GLIS3: variants seen among roughly 807,000 people sequenced by gnomAD.
The protein encoded by GLIS3 is zinc finger protein GLIS3.
GLIS3 carries 53 observed loss-of-function variants against 78.6 expected under a neutral mutation model. That is an observed-to-expected ratio of 0.67 (90% CI 0.54 to 0.85). GLIS3 has a LOEUF of 0.85. Ranked by LOEUF, GLIS3 falls within the 40% of genes least tolerant of loss-of-function variation. The pLI, the probability that GLIS3 is intolerant of heterozygous loss-of-function variation, is 0.00. For missense variants in GLIS3, 1,703 were observed against 1,231.1 expected (o/e 1.38, Z -5.74); for synonymous variants, 684 against 509.9 (o/e 1.34, Z -4.60).
At chr9:3,941,075 A>G (rs1254894854) in intron 4 of GLIS3, among the ~76,000 whole-genome samples, 3 of 152,204 alleles carry the variant, frequency 2.0e-5, no homozygotes, top group African/African-American at 7.2e-5. Flanking sequence ...CAAGCCCCCC[A>G]TAAGATTCTG....
At position 4,205,391 on chromosome 9, in the gene GLIS3, C is replaced by T. The variant is rs547318659; in HGVS notation, c.389-79450G>A. On this transcript the variant is annotated intron_variant, in intron 2 of 10. Transcript: ENST00000381971. Reference sequence around the variant, plus strand: ...ATTCCAAAGCTCCTGGCCAGAGTTACGAATTGGTTCAGGGATAGGCAGGAC... The same window carrying T: ...ATTCCAAAGCTCCTGGCCAGAGTTATGAATTGGTTCAGGGATAGGCAGGAC... Among the ~76,000 whole-genome samples, 6 of 152,158 alleles carry T rather than the reference C, an allele frequency of 3.9e-5. No individual in the cohort carries two copies. In the East Asian group the frequency reaches 5.8e-4, roughly 15 times the overall value.
At chr9:4,353,090 G>A (rs180682511), upstream of GLIS3, among the ~76,000 whole-genome samples, 354 of 152,226 alleles carry the variant, frequency 2.3e-3, 2 homozygotes, top group Middle Eastern at 0.014. Context: ...AGACTCAGCC[G>A]TGTCTTTGGA....
At chr9:4,467,991 G>C in the GLIS3 span, among the ~76,000 whole-genome samples, 1 of 152,126 alleles carries the variant, frequency 6.6e-6, no homozygotes, top group Non-Finnish European at 1.5e-5. Flanking sequence ...ACGTGACACA[G>C]GCACAAGGTT....
intron 4 of GLIS3, among the ~76,000 whole-genome samples, chr9:4,112,836 CT>C (rs1258051591): frequency 6.6e-6 from 1 of 152,102 alleles, no homozygotes; most frequent in African/African-American, 2.4e-5. Context: ...CCTATGACAC[CT>C]ATATTACCAC....
At chr9:4,431,774 G>A in the GLIS3 span, among the ~76,000 whole-genome samples, 2 of 151,552 alleles carry the variant, frequency 1.3e-5, no homozygotes, top group African/African-American at 2.4e-5. Flanking sequence ...AACCTGGGAG[G>A]TGGAGGTTGT....
chr9:4,048,555 T>A (rs1031666506), intron 4 of GLIS3, among the ~76,000 whole-genome samples: 13 of 152,198 alleles, frequency 8.5e-5, no homozygotes, highest in Admixed American at 2.0e-4. Flanking sequence ...ACTGTGTGCT[T>A]ATTTTTAAAT....
intron 2 of GLIS3, among the ~76,000 whole-genome samples, chr9:4,169,538 G>A (rs1407356614): frequency 6.6e-6 from 1 of 152,096 alleles, no homozygotes; most frequent in Non-Finnish European, 1.5e-5. Context: ...AAAGCACACC[G>A]GGAAAATTGG....
the GLIS3 span, among the ~76,000 whole-genome samples, chr9:4,363,193 T>G: frequency 6.6e-6 from 1 of 152,006 alleles, no homozygotes; most frequent in Non-Finnish European, 1.5e-5. Context: ...GAGGCCCAGG[T>G]GGGTGGGTCA....
At chr9:3,950,997 G>A (rs571545395) in intron 4 of GLIS3, among the ~76,000 whole-genome samples, 1 of 152,162 alleles carries the variant, frequency 6.6e-6, no homozygotes, top group African/African-American at 2.4e-5. Context: ...CAAACTTACA[G>A]AACAGACCCT....
chr9:4,170,908 A>T (rs922667803), intron 2 of GLIS3, among the ~76,000 whole-genome samples: 7 of 152,340 alleles, frequency 4.6e-5, no homozygotes, highest in Admixed American at 3.9e-4. Context: ...AACACAATGA[A>T]GTAGAAAATG....
the GLIS3 span, among the ~76,000 whole-genome samples, chr9:4,356,987 T>C: frequency 6.6e-6 from 1 of 152,234 alleles, no homozygotes; most frequent in Non-Finnish European, 1.5e-5. Context: ...TCTTACTGTT[T>C]CCAAAGACTA....
intron 2 of GLIS3, among the ~76,000 whole-genome samples, chr9:4,161,411 T>C (rs1280243263): frequency 6.6e-6 from 1 of 152,150 alleles, no homozygotes; most frequent in Non-Finnish European, 1.5e-5. Context: ...ATAAAAAGAA[T>C]GTTTATACAC....
chr9:3,975,386 A>G (rs1050556275), intron 4 of GLIS3, among the ~76,000 whole-genome samples: 2 of 152,154 alleles, frequency 1.3e-5, no homozygotes, highest in Non-Finnish European at 2.9e-5. Flanking sequence ...GTCCAAAGTC[A>G]TCCTAAAAGT....
chr9:4,434,996 A>G, the GLIS3 span, among the ~76,000 whole-genome samples: 12 of 152,352 alleles, frequency 7.9e-5, no homozygotes, highest in African/African-American at 2.9e-4. Context: ...ACCAAATTGT[A>G]TGATTTGGAC....
chr9:4,471,159 T>C, the GLIS3 span, among the ~76,000 whole-genome samples: 1 of 152,186 alleles, frequency 6.6e-6, no homozygotes, highest in Non-Finnish European at 1.5e-5. Context: ...AGAATCAATA[T>C]TGTGAAAATG....
rs151216021 is a variant in GLIS3, at chr9:3,977,158, T to C, written c.1711-39969A>G. 5.8e-4 allele frequency among the ~76,000 whole-genome samples: 89 copies of C among 152,296 alleles called. No homozygotes were observed. The highest frequency in any genetic ancestry group is 6.8e-3 in the Middle Eastern group (2 of 294). Reference sequence around the variant, plus strand: ...GATCTGCAGAATTCACACCACTCGATACCGAATGCTTACAACTCCCAAGCC... The same window carrying C: ...GATCTGCAGAATTCACACCACTCGACACCGAATGCTTACAACTCCCAAGCC... On this transcript the variant is annotated intron_variant, in intron 4 of 10. Transcript: ENST00000381971. The surrounding 1 kb of genome is among the most constrained non-coding windows in gnomAD (Gnocchi z 4.1).
At chr9:3,981,566 C>G in intron 4 of GLIS3, among the ~76,000 whole-genome samples, 1 of 152,276 alleles carries the variant, frequency 6.6e-6, no homozygotes, top group East Asian at 1.9e-4. Flanking sequence ...AGACCATAAA[C>G]TTAGAGGACA....
At chr9:3,964,322 T>C (rs1002760893) in intron 4 of GLIS3, among the ~76,000 whole-genome samples, 3 of 152,192 alleles carry the variant, frequency 2.0e-5, no homozygotes, top group African/African-American at 7.2e-5. Flanking sequence ...ATAAAAGTTA[T>C]GTTTCAATGA....
chr9:4,152,299 T>A (rs545225072), intron 2 of GLIS3: 1 of 159,882 alleles, frequency 6.3e-6, no homozygotes, highest in South Asian at 2.0e-4. Flanking sequence ...GTTGCCAGGA[T>A]ATTGCAGAGA....
Sources: gnomAD v4.1 joint callset for allele counts (sites outside exome capture counted in the v4.1 genomes callset) on GRCh38, gnomAD v4.1.1 for gene constraint, Gnocchi (gnomAD v3.1) non-coding constraint, MANE v1.5 for transcripts, NCBI Gene and HGNC (gene_info 2026-07-23, HGNC 2026-07-21) for gene names.